Variants in UFSP2 observed in about 807,000 individuals in gnomAD.
UFSP2 encodes UFM1 specific peptidase 2.
In UFSP2, 43 loss-of-function variants were observed where a neutral mutation model predicts 60.2. The ratio of observed to expected loss-of-function variants is 0.71; its 90% CI spans 0.56 to 0.92. The LOEUF is 0.92. Ranked by LOEUF, UFSP2 falls within the 40% of genes least tolerant of loss-of-function variation. The pLI, the probability that UFSP2 is intolerant of heterozygous loss-of-function variation, is 0.00. For missense variants in UFSP2, 520 were observed against 575.0 expected (o/e 0.90, Z 0.98); for synonymous variants, 183 against 195.1 (o/e 0.94, Z 0.52).
At chr4:185,419,545 T>C (rs2095545785) in intron 2 of UFSP2, among the ~76,000 whole-genome samples, 2 of 152,224 alleles carry the variant, frequency 1.3e-5, no homozygotes, top group Admixed American at 1.3e-4. Context: ...GATCTCACAG[T>C]TTTTATCTCT....
At chr4:185,423,522 G>C (rs1245149856) in intron 1 of UFSP2, among the ~76,000 whole-genome samples, 1 of 151,686 alleles carries the variant, frequency 6.6e-6, no homozygotes, top group Admixed American at 6.6e-5. Context: ...ACAAAGATTC[G>C]GGTACATGGA....
intron 10 of UFSP2, 28 bp from the exon 11 acceptor site, chr4:185,403,646 A>C: frequency 6.3e-7 from 1 of 1,598,454 alleles, no homozygotes; most frequent in Non-Finnish European, 8.5e-7. Context: ...GGAAATACGA[A>C]TGAAGGCATA....
Position 185,403,526 on chromosome 4 carries a change from C to T in UFSP2, c.1291G>A (p.Gly431Ser), listed in dbSNP as rs768313407. Residue 431 changes from glycine (G) to serine (S), a missense_variant, in exon 11 of 12, where the codon GGT (glycine) becomes AGT (serine). By Grantham distance (56) the Gly-to-Ser change is moderately conservative. Coordinates refer to ENST00000264689, the MANE Select transcript of UFSP2 (RefSeq NM_018359.5). ...KFLILDPHYT[G>S]AEDLQVILEK... Reference sequence around the variant, plus strand: ...AAAATAACTTGCAGGTCTTCAGCACCGGTATAATGTGGATCTAGAATCAGA... The same window carrying T: ...AAAATAACTTGCAGGTCTTCAGCACTGGTATAATGTGGATCTAGAATCAGA... 5.6e-6 allele frequency: 9 copies of T among 1,613,770 alleles called. No individual in the cohort carries two copies. The highest frequency in any genetic ancestry group is 1.3e-5 in the African/African-American group (1 of 74,874).
intron 4 of UFSP2, among the ~76,000 whole-genome samples, chr4:185,417,303 T>C (rs1358372837): frequency 1.3e-5 from 2 of 152,200 alleles, no homozygotes; most frequent in African/African-American, 4.8e-5. Flanking sequence ...CAATTACTGG[T>C]AATTTTCAAA....
At chr4:185,420,720 A>C (rs2095547906) in intron 2 of UFSP2, among the ~76,000 whole-genome samples, 1 of 152,228 alleles carries the variant, frequency 6.6e-6, no homozygotes, top group South Asian at 2.1e-4. Context: ...TTACCTAAAA[A>C]AAACTGTGAA....
At chr4:185,425,695 G>T (rs562335112) in intron 1 of UFSP2, among the ~76,000 whole-genome samples, 171 bp downstream of exon 1, 1 of 152,198 alleles carries the variant, frequency 6.6e-6, no homozygotes, top group Admixed American at 6.5e-5. Flanking sequence ...CTTTCCCCCC[G>T]GCCCAGCGCG....
At chr4:185,401,219 A>G (rs528747324) in intron 11 of UFSP2, among the ~76,000 whole-genome samples, 2 of 152,196 alleles carry the variant, frequency 1.3e-5, no homozygotes, top group African/African-American at 2.4e-5. Flanking sequence ...CTCCCTCCTA[A>G]TAAGATACAC....
chr4:185,408,223 C>A, intron 8 of UFSP2, 48 bp downstream of exon 8: 2 of 1,590,508 alleles, frequency 1.3e-6, no homozygotes, highest in Non-Finnish European at 1.7e-6. Flanking sequence ...ATATTAAGGG[C>A]TAATGAAACA....
rs2095523194 is a variant in UFSP2, at chr4:185,407,920, C to T, written c.1121+16G>A. ...CACTTTGAAATGATTTATCTAATTT[C>T]TTAAAGTGTGCTTACCTGACAAACA... On this transcript the variant is annotated intron_variant, in intron 9 of 11. Transcript: ENST00000264689. 1 of 1,606,160 alleles carries T rather than the reference C, an allele frequency of 6.2e-7. No individual in the cohort carries two copies.
chr4:185,404,748 GC>G (rs1561108133), intron 10 of UFSP2, among the ~76,000 whole-genome samples: 1 of 151,886 alleles, frequency 6.6e-6, no homozygotes, highest in Non-Finnish European at 1.5e-5. Context: ...ACCACACCCA[GC>G]TAAATTTTGT....
intron 7 of UFSP2, among the ~76,000 whole-genome samples, chr4:185,411,542 AAAT>A (rs1369198336): frequency 3.9e-5 from 6 of 152,222 alleles, no homozygotes; most frequent in Non-Finnish European, 7.4e-5. Context: ...GGGGAATAAA[AAAT>A]AATGAGTCAT....
Position 185,405,774 on chromosome 4 carries a change from G to T in UFSP2, c.1198+6C>A, listed in dbSNP as rs775466826. On this transcript the variant is annotated splice_donor_region_variant and intron_variant, in intron 10 of 11. Transcript: ENST00000264689. The stretch of plus-strand genomic sequence containing the variant: ...TCTACCAAAAACAGTGTCTGAAACA[G>T]CTTACCGATCATAACTGGAGTTCCT... 26 of 1,613,702 alleles carry T rather than the reference G, an allele frequency of 1.6e-5. No individual in the cohort carries two copies. In the East Asian group the frequency reaches 5.1e-4, roughly 32 times the overall value.
rs369680689 is a variant in UFSP2, at chr4:185,407,964, C to T, written c.1093G>A (p.Gly365Ser). ...EVQLVLNQLI[G>S]ITSKILFVSQ... Reference sequence around the variant, plus strand: ...ACAAACAGGATTTTTGACGTTATACCGATCAATTGGTTTAGTACCAGCTGC... The same window carrying T: ...ACAAACAGGATTTTTGACGTTATACTGATCAATTGGTTTAGTACCAGCTGC... The change falls in exon 9 of 12, where the codon GGT becomes AGT. Residue 365 changes from glycine to serine, a missense_variant. Coordinates refer to ENST00000264689, the MANE Select transcript of UFSP2 (RefSeq NM_018359.5). The T allele has an allele frequency of 1.7e-5, 28 of 1,613,886 alleles. No homozygotes were observed. The highest frequency in any genetic ancestry group is 1.7e-4 in the Admixed American group (10 of 59,988).
Position 185,405,944 on chromosome 4 carries a change from G to GT in UFSP2, c.1122-89dup, listed in dbSNP as rs773434328. On this transcript the variant is annotated intron_variant, in intron 9 of 11. Coordinates refer to ENST00000264689, the MANE Select transcript of UFSP2 (RefSeq NM_018359.5). Reference sequence around the variant, plus strand: ...AGGAGACAATGTTTCCTACTTTCTTGTTTTTTCGGGTGTTACTGAAAAAAT... The same window carrying GT: ...AGGAGACAATGTTTCCTACTTTCTTGTTTTTTTCGGGTGTTACTGAAAAAAT... 1.5e-4 allele frequency: 246 copies of GT among 1,599,558 alleles called. 1 individual carries two copies. The highest frequency in any genetic ancestry group is 1.9e-4 in the Non-Finnish European group (222 of 1,173,458).
chr4:185,400,082 CT>C lies in UFSP2; in HGVS notation c.*309del. ...TTTCATGCAAATCTATAAGCTCCTG[CT>C]TTTGGCTTTACCATATGTTGTGTCT... On this transcript the variant is annotated 3_prime_UTR_variant, in exon 12 of 12. Transcript: ENST00000264689. 1 of 1,433,822 alleles carries C rather than the reference CT, an allele frequency of 7.0e-7. No homozygotes were observed. Among genetic ancestry groups the C allele is most frequent in the Non-Finnish European group, 9.7e-7 (1 of 1,036,086 alleles). 88.8% of individuals were successfully genotyped at this position (1,433,822 alleles called of 1,614,324 possible).
chr4:185,417,479 A>G (rs2095540739), intron 4 of UFSP2, among the ~76,000 whole-genome samples: 1 of 152,204 alleles, frequency 6.6e-6, no homozygotes, highest in Non-Finnish European at 1.5e-5. Flanking sequence ...TTAGTTTCCA[A>G]GCAGAATCCA....
intron 7 of UFSP2, among the ~76,000 whole-genome samples, chr4:185,409,473 C>G (rs1002964501): frequency 1.3e-5 from 2 of 152,058 alleles, no homozygotes; most frequent in East Asian, 3.8e-4. Context: ...TACAGTTGCA[C>G]ACCACCATGC....
chr4:185,413,374 C>T (rs966895480), intron 7 of UFSP2, among the ~76,000 whole-genome samples: 11 of 151,866 alleles, frequency 7.2e-5, no homozygotes, highest in African/African-American at 2.4e-4. Context: ...AGTGACAGAG[C>T]GAGACTCTGT....
chr4:185,402,196 TG>T, intron 11 of UFSP2: 4 of 397,396 alleles, frequency 1.0e-5, no homozygotes, highest in South Asian at 7.3e-5. Flanking sequence ...GTAATACTAG[TG>T]CTTAGGACAG....
Sources: allele counts gnomAD v4.1 joint callset (sites outside exome capture counted in the v4.1 genomes callset), GRCh38; gene constraint gnomAD v4.1.1; transcripts MANE v1.5; gene names NCBI Gene and HGNC (gene_info 2026-07-23, HGNC 2026-07-21).